ANKRD36C: variants seen among roughly 807,000 people sequenced by gnomAD.
ANKRD36C encodes the protein ankyrin repeat domain 36C.
Under a neutral mutation model 276.4 loss-of-function variants are expected in ANKRD36C, and 61 were observed. The ratio of observed to expected loss-of-function variants is 0.22; its 90% CI spans 0.18 to 0.27. The LOEUF (loss-of-function observed/expected upper bound fraction) is 0.27, where lower values mean the gene tolerates loss of function less well. Among genes scored for constraint, ANKRD36C ranks in the 10% least tolerant of loss-of-function variants. ANKRD36C has a pLI of 1.00. For missense variants in ANKRD36C, 1,447 were observed against 2,032.3 expected (o/e 0.71, Z 5.54); for synonymous variants, 483 against 680.1 (o/e 0.71, Z 4.51).
At chr2:95,880,793 G>C (rs756969682) in intron 56 of ANKRD36C, among the ~76,000 whole-genome samples, 170 bp from the exon 77 acceptor site, 5 of 152,094 alleles carry the variant, frequency 3.3e-5, no homozygotes, top group African/African-American at 9.6e-5. Context: ...ATGCAATGAA[G>C]AAAATAGGAA....
At chr2:95,914,365 T>A (rs1677028755) in intron 38 of ANKRD36C, 62 bp from the exon 41 acceptor site, 1 of 1,523,346 alleles carries the variant, frequency 6.6e-7, no homozygotes, top group Non-Finnish European at 8.9e-7. Context: ...ATCCATACAT[T>A]CATGCAGTGT....
intron 17 of ANKRD36C, among the ~76,000 whole-genome samples, chr2:95,947,279 CA>C (rs1412859140): frequency 6.6e-6 from 1 of 151,846 alleles, no homozygotes; most frequent in African/African-American, 2.4e-5. Flanking sequence ...TATAGATTCT[CA>C]ACATTAGAAC....
Position 95,939,393 on chromosome 2 carries a change from C to T in ANKRD36C, c.1532-378G>A, listed in dbSNP as rs1354935675. On this transcript the variant is annotated intron_variant, in intron 20 of 66. Coordinates refer to ENST00000456556, the Ensembl canonical transcript of ANKRD36C. ...ATAAATGTTAGAAACTATGAAGTTG[C>T]AATGAGAGTGCATGAAAATGTATCA... 2.1e-4 allele frequency among the ~76,000 whole-genome samples: 32 copies of T among 151,488 alleles called. No homozygotes were observed. The East Asian group carries it at 5.0e-3, about 24-fold the overall frequency.
At chr2:95,872,755 T>A (rs913501248) in intron 59 of ANKRD36C, among the ~76,000 whole-genome samples, 1 of 149,966 alleles carries the variant, frequency 6.7e-6, no homozygotes, top group African/African-American at 2.5e-5. Flanking sequence ...ATCAACAAAA[T>A]TGATAGACAG....
At chr2:95,919,792 T>C in intron 34 of ANKRD36C, 1 of 1,402,212 alleles carries the variant, frequency 7.1e-7, no homozygotes, top group Middle Eastern at 2.0e-4. Flanking sequence ...AGAATCTTCC[T>C]CGTCAGTTGT....
rs1350816222 is a variant in ANKRD36C, at chr2:95,893,516, T to C, written c.2756-1656A>G. The C allele has an allele frequency of 6.5e-7, 1 of 1,540,154 alleles. No homozygotes were observed. The highest frequency in any genetic ancestry group is 2.0e-5 in the Admixed American group (1 of 50,854). ...TATCTGGACTGAACATGACATTAAA[T>C]CTGTTTTCAAAATTACCTGTTCTAG... On this transcript the variant is annotated intron_variant, in intron 44 of 66. Transcript: ENST00000456556.
intron 64 of ANKRD36C, chr2:95,852,610 G>A (rs902505570): frequency 1.8e-5 from 3 of 164,790 alleles, no homozygotes; most frequent in Admixed American, 1.8e-4. Context: ...CTGGTAAAAT[G>A]TGGAAAGATA....
intron 13 of ANKRD36C, among the ~76,000 whole-genome samples, chr2:95,956,394 A>C (rs1296581576): frequency 1.3e-5 from 2 of 152,242 alleles, no homozygotes; most frequent in Non-Finnish European, 2.9e-5. Flanking sequence ...AAAGAGAGTT[A>C]ATATATAACA....
chr2:95,890,950 C>T (rs1349141122), intron 46 of ANKRD36C, among the ~76,000 whole-genome samples: 1 of 151,412 alleles, frequency 6.6e-6, no homozygotes, highest in Non-Finnish European at 1.5e-5. Context: ...ATCAAGATTA[C>T]CTCATTTTTA....
At chr2:95,978,371 G>C (rs1259466577) in intron 5 of ANKRD36C, among the ~76,000 whole-genome samples, 182 bp from the exon 6 acceptor site, 3 of 151,996 alleles carry the variant, frequency 2.0e-5, no homozygotes, top group Non-Finnish European at 4.4e-5. Context: ...AACAGGTGAA[G>C]TACTCATGAA....
At chr2:95,863,528 CA>C (rs1038383787) in intron 60 of ANKRD36C, among the ~76,000 whole-genome samples, 3 of 151,978 alleles carry the variant, frequency 2.0e-5, no homozygotes, top group African/African-American at 7.2e-5. Context: ...AAAATATTAC[CA>C]AGAAGAAAAT....
chr2:95,953,416 A>T (rs1678249970), intron 14 of ANKRD36C, among the ~76,000 whole-genome samples: 1 of 152,142 alleles, frequency 6.6e-6, no homozygotes, highest in Non-Finnish European at 1.5e-5. Flanking sequence ...CAGAGCCAGG[A>T]ATAAAAATAA....
In ANKRD36C at chr2:95,912,883, C is replaced by T. The variant is rs191177836; in HGVS notation, c.2552-448G>A. Among the ~76,000 whole-genome samples, 98 of 151,404 alleles carry T rather than the reference C, an allele frequency of 6.5e-4. No homozygotes were observed. In the East Asian group the frequency reaches 0.013, roughly 19 times the overall value. On this transcript the variant is annotated intron_variant, in intron 40 of 66. Transcript: ENST00000456556. ...CATGCTCTTTAACTTGACCAATAAC[C>T]GAGAAGGCACACAATTACGATGACA...
chr2:95,917,711 A>G, intron 36 of ANKRD36C, 144 bp downstream of exon 38: 1 of 1,157,598 alleles, frequency 8.6e-7, no homozygotes, highest in Non-Finnish European at 1.2e-6. Flanking sequence ...AGAATTTATT[A>G]CAAATGAAGA....
At chr2:95,955,161 C>T (rs1678298437) in intron 13 of ANKRD36C, among the ~76,000 whole-genome samples, 1 of 152,210 alleles carries the variant, frequency 6.6e-6, no homozygotes, top group Admixed American at 6.5e-5. Context: ...GACATCCACC[C>T]TGGATCACAG....
chr2:95,984,279 A>C (rs980726480), intron 3 of ANKRD36C, among the ~76,000 whole-genome samples: 5 of 151,930 alleles, frequency 3.3e-5, no homozygotes, highest in African/African-American at 1.2e-4. Flanking sequence ...AGGTAGGCAC[A>C]GTAGCAAAAT....
intron 59 of ANKRD36C, among the ~76,000 whole-genome samples, chr2:95,868,013 TAA>T (rs1264030857): frequency 2.0e-5 from 3 of 151,868 alleles, no homozygotes; most frequent in African/African-American, 7.3e-5. Flanking sequence ...AGTGACCCTC[TAA>T]GTCTTTTGGA....
chr2:95,948,641 TAAAAG>T (rs1169074033), intron 16 of ANKRD36C, 45 bp from the exon 17 acceptor site: 3 of 1,526,452 alleles, frequency 2.0e-6, no homozygotes, highest in Middle Eastern at 3.3e-4. Flanking sequence ...GTTCATTTCT[TAAAAG>T]AAAACAAAAA....
intron 66 of ANKRD36C, 63 bp downstream of exon 86, chr2:95,851,631 A>T (rs1417492607): frequency 9.7e-6 from 13 of 1,338,424 alleles, no homozygotes; most frequent in Non-Finnish European, 1.3e-5. Context: ...GGGATATTTA[A>T]CCCGTCCTAC....
Sources: allele counts gnomAD v4.1 joint callset (sites outside exome capture counted in the v4.1 genomes callset), GRCh38; gene constraint gnomAD v4.1.1; transcripts MANE v1.5; gene names NCBI Gene and HGNC (gene_info 2026-07-23, HGNC 2026-07-21).